WNT9B: variants seen among roughly 807,000 people sequenced by gnomAD.
WNT9B encodes protein Wnt-9b.
A neutral mutation model predicts 30.2 loss-of-function variants in WNT9B; 12 were observed. The ratio of observed to expected loss-of-function variants is 0.40; its 90% CI spans 0.26 to 0.64. The LOEUF is 0.64. Ranked by LOEUF, WNT9B falls within the 30% of genes least tolerant of loss-of-function variation. The probability of loss-of-function intolerance (pLI) is 0.42; values close to 1 mark genes in which losing one functional copy is unlikely to be tolerated. For synonymous variants in WNT9B, 218 were observed against 216.9 expected, an observed-to-expected ratio of 1.01 and a Z score of -0.05; for missense variants, 442 against 485.2, an observed-to-expected ratio of 0.91 and a Z score of 0.84.
At chr17:46,848,404 ACT>A (rs2084802088), upstream of WNT9B, among the ~76,000 whole-genome samples, 1 of 152,102 alleles carries the variant, frequency 6.6e-6, no homozygotes, top group Non-Finnish European at 1.5e-5. Context: ...CCTGTGCCAG[ACT>A]CTGGAGACAC....
intron 1 of WNT9B, among the ~76,000 whole-genome samples, chr17:46,855,721 C>A (rs762297015): frequency 6.6e-6 from 1 of 152,172 alleles, no homozygotes; most frequent in African/African-American, 2.4e-5. Context: ...TATTTAGAGA[C>A]GGAGTCTCGC....
chr17:46,885,219 T>G, downstream of WNT9B: 1 of 309,476 alleles, frequency 3.2e-6, no homozygotes. Flanking sequence ...TTGGTCAGGC[T>G]GGTCTCGAAC....
chr17:46,846,993 G>A (rs531682876), upstream of WNT9B, among the ~76,000 whole-genome samples: 1 of 152,316 alleles, frequency 6.6e-6, no homozygotes, highest in East Asian at 1.9e-4. Flanking sequence ...AATGCTTAAA[G>A]TTCCACCATT....
chr17:46,885,083 G>A (rs943771897), downstream of WNT9B: 9 of 437,708 alleles, frequency 2.1e-5, no homozygotes, highest in African/African-American at 1.6e-4. Flanking sequence ...CCACCTCCCG[G>A]ATTCAAGCGA....
intron 1 of WNT9B, among the ~76,000 whole-genome samples, chr17:46,836,141 T>TGTGTGTGTGTGTGTGTGTGTGTGTG (rs1297268914): frequency 2.7e-5 from 4 of 149,978 alleles, no homozygotes; most frequent in East Asian, 2.0e-4. Context: ...TGTGTCTCGG[T>TGTGTGTGTGTGTGTGTGTGTGTGTG]TGTGGTGGTG....
chr17:46,876,176 G>A, intron 3 of WNT9B, 69 bp from the exon 4 acceptor site: 1 of 1,438,066 alleles, frequency 7.0e-7, no homozygotes. Context: ...TGGGGTTGGT[G>A]CTCTGGGGGC....
intron 1 of WNT9B, among the ~76,000 whole-genome samples, chr17:46,868,736 A>G (rs2085186123): frequency 6.6e-6 from 1 of 152,210 alleles, no homozygotes; most frequent in Non-Finnish European, 1.5e-5. Context: ...GGTAATTGAG[A>G]TTTCACAGAG....
chr17:46,875,981 G>A (rs1433979895), intron 3 of WNT9B, among the ~76,000 whole-genome samples: 2 of 151,784 alleles, frequency 1.3e-5, no homozygotes, highest in African/African-American at 4.9e-5. Flanking sequence ...GTGAACCGGG[G>A]CTGCTGTGTT....
chr17:46,872,437 C>G lies in WNT9B; in HGVS notation c.78-80C>G, dbSNP rs997848947. 36 of 1,415,954 alleles carry G rather than the reference C, an allele frequency of 2.5e-5. 1 individual carries two copies. The highest frequency in any genetic ancestry group is 3.2e-5 in the Non-Finnish European group (35 of 1,079,072). 87.7% of individuals were successfully genotyped at this position (1,415,954 alleles called of 1,614,324 possible). A position where few individuals can be genotyped will look rare whatever the true frequency, so the allele number is the denominator to read the frequency against. On this transcript the variant is annotated intron_variant, in intron 1 of 3. Transcript: ENST00000290015. ...CCCAGAAGGGCAGTAAATGAAGCCCCTGAGGAGGCCCCTTCCCTTCATTTG... is the reference window on the plus strand; with the variant it reads ...CCCAGAAGGGCAGTAAATGAAGCCCGTGAGGAGGCCCCTTCCCTTCATTTG...
chr17:46,870,892 C>T (rs1042859856), intron 1 of WNT9B, among the ~76,000 whole-genome samples: 2 of 147,322 alleles, frequency 1.4e-5, no homozygotes, highest in African/African-American at 5.1e-5. Flanking sequence ...ACATTGCCTG[C>T]TTCCACCTTT....
At position 46,851,621 on chromosome 17, in the gene WNT9B, C is replaced by T. The variant is rs1348922623; in HGVS notation, c.-18C>T. 3 of 1,249,394 alleles carry T rather than the reference C, an allele frequency of 2.4e-6. No individual in the cohort carries two copies. Among genetic ancestry groups the T allele is most frequent in the Non-Finnish European group, 2.0e-6 (2 of 997,136 alleles). 77.4% of individuals were successfully genotyped at this position (1,249,394 alleles called of 1,614,324 possible). On this transcript the variant is annotated 5_prime_UTR_variant, in exon 1 of 4. Coordinates refer to ENST00000290015, the MANE Select transcript of WNT9B (RefSeq NM_003396.3). The surrounding 1 kb of genome is among the most constrained non-coding windows in gnomAD (Gnocchi z 4.3). ...AGCGGCGCGAGGAGATGCTAGAGGG[C>T]GCAGCGCCGCCAGCACCATGCGCCC... is the stretch of plus-strand genomic sequence containing the variant.
intron 1 of WNT9B, among the ~76,000 whole-genome samples, chr17:46,840,688 G>A (rs1194180712): frequency 2.0e-5 from 3 of 152,016 alleles, no homozygotes; most frequent in South Asian, 2.1e-4. Context: ...TTTAATGGTC[G>A]CCATTCTAAC....
chr17:46,852,083 C>T (rs1410278074), intron 1 of WNT9B, among the ~76,000 whole-genome samples: 1 of 152,252 alleles, frequency 6.6e-6, no homozygotes, highest in Non-Finnish European at 1.5e-5. Flanking sequence ...GGGATCCTCA[C>T]GCCGGTGCCC....
At chr17:46,836,095 C>CGTGTGTGTGCGTGT (rs2084626771) in intron 1 of WNT9B, among the ~76,000 whole-genome samples, 1 of 126,434 alleles carries the variant, frequency 7.9e-6, no homozygotes, top group African/African-American at 3.2e-5. Context: ...GAGACGCTGA[C>CGTGTGTGTGCGTGT]GTGTGTGTGT....
At chr17:46,833,355 C>T (rs768870736) in exon 1 of WNT9B, 7 of 518,218 alleles carry the variant, frequency 1.4e-5, no homozygotes, top group African/African-American at 5.8e-5. Context: ...CATGAAAGGA[C>T]GGGCAGTTTC....
At position 46,876,935 on chromosome 17, in the gene WNT9B, A is replaced by G. The variant is rs1376188799; in HGVS notation, c.*217A>G. ...GAAGCAAAGCCTCCTCCCTTAACCC[A>G]AGCATCCCCAACCTTGTTGAGGACT... On this transcript the variant is annotated 3_prime_UTR_variant, in exon 4 of 4. Coordinates refer to ENST00000290015, the MANE Select transcript of WNT9B (RefSeq NM_003396.3). 11 of 1,322,878 alleles carry G rather than the reference A, an allele frequency of 8.3e-6. No individual in the cohort carries two copies. Among genetic ancestry groups the G allele is most frequent in the Non-Finnish European group, 9.6e-6 (10 of 1,039,068 alleles). 81.9% of individuals were successfully genotyped at this position (1,322,878 alleles called of 1,614,324 possible).
rs1316667376 is a variant in WNT9B, at chr17:46,851,745, C to T, written c.77+30C>T. 3 of 1,177,538 alleles carry T rather than the reference C, an allele frequency of 2.5e-6. No homozygotes were observed. The highest frequency in any genetic ancestry group is 3.2e-5 in the African/African-American group (2 of 62,738). 72.9% of individuals were successfully genotyped at this position (1,177,538 alleles called of 1,614,324 possible). On this transcript the variant is annotated intron_variant, in intron 1 of 3. Coordinates refer to ENST00000290015, the MANE Select transcript of WNT9B (RefSeq NM_003396.3). The surrounding 1 kb of genome is among the most constrained non-coding windows in gnomAD (Gnocchi z 4.3). ...GTGCCCGCCGCGCCCCCCGCCCGCT[C>T]CCCGGCCTGCCTGTCTCTCCCTCCT...
At position 46,876,688 on chromosome 17, in the gene WNT9B, G is replaced by A. The variant is rs762563952; in HGVS notation, c.1044G>A (p.Gln348=). 1.3e-6 allele frequency: 2 copies of A among 1,572,424 alleles called. No homozygotes were observed. Among genetic ancestry groups the A allele is most frequent in the Non-Finnish European group, 1.7e-6 (2 of 1,155,032 alleles). ...ACGTGGAGTGCCAGCAATGTGTGCA[G>A]GAGGAGCTTGTGTACACCTGCAAGC... is the stretch of plus-strand genomic sequence containing the variant. ...CCYVECQQCV[Q]EELVYTCKH is the part of the protein sequence containing the mutation. The change falls in exon 4 of 4, where the codon CAG becomes CAA. Residue 348 remains glutamine, a synonymous_variant. Coordinates refer to ENST00000290015, the MANE Select transcript of WNT9B (RefSeq NM_003396.3).
intron 1 of WNT9B, among the ~76,000 whole-genome samples, chr17:46,839,482 T>C (rs2084673761): frequency 6.6e-6 from 1 of 152,232 alleles, no homozygotes. Context: ...AACGCAGGCG[T>C]CAAGGCAGCC....
Sources: allele counts gnomAD v4.1 joint callset (sites outside exome capture counted in the v4.1 genomes callset), GRCh38; gene constraint gnomAD v4.1.1; non-coding constraint Gnocchi (gnomAD v3.1); transcripts MANE v1.5; gene names NCBI Gene and HGNC (gene_info 2026-07-23, HGNC 2026-07-21).